Variants in P4HA3 observed in about 807,000 individuals in gnomAD.
P4HA3 encodes prolyl 4-hydroxylase subunit alpha 3, also known as prolyl 4-hydroxylase subunit alpha-3.
P4HA3 carries 60 observed loss-of-function variants against 66.7 expected under a neutral mutation model. The ratio of observed to expected loss-of-function variants is 0.90; its 90% confidence interval spans 0.73 to 1.12. The LOEUF is 1.12. P4HA3 is among the 50% of genes most tolerant of loss of function. The pLI, the probability that P4HA3 is intolerant of heterozygous loss-of-function variation, is 0.00. For synonymous variants in P4HA3, 263 were observed against 274.6 expected (o/e 0.96, Z 0.42); for missense variants, 683 against 685.8 (o/e 1.00, Z 0.05).
intron 15 of P4HA3, among the ~76,000 whole-genome samples, chr11:74,257,527 T>C (rs1859848842): frequency 6.6e-6 from 1 of 152,110 alleles, no homozygotes; most frequent in Non-Finnish European, 1.5e-5. Context: ...CGCTGGAGAC[T>C]TGAAAGTCAG....
intron 4 of P4HA3, among the ~76,000 whole-genome samples, chr11:74,289,502 T>A (rs543567998): frequency 2.0e-5 from 3 of 152,066 alleles, no homozygotes; most frequent in Non-Finnish European, 4.4e-5. Context: ...CGTGCAGGTT[T>A]GTTACATATG....
chr11:74,277,864 C>T (rs1223192449), intron 8 of P4HA3, among the ~76,000 whole-genome samples: 3 of 152,206 alleles, frequency 2.0e-5, no homozygotes, highest in Non-Finnish European at 2.9e-5. Flanking sequence ...GACGATAAGG[C>T]TCTGAGGGAA....
chr11:74,269,549 C>G, intron 11 of P4HA3, 103 bp downstream of exon 11: 4 of 1,231,300 alleles, frequency 3.2e-6, no homozygotes, highest in Non-Finnish European at 4.5e-6. Flanking sequence ...CTCTTTTTGG[C>G]CCTCCTCCCA....
intron 9 of P4HA3, 36 bp from the exon 10 acceptor site, chr11:74,273,643 C>A: frequency 6.7e-7 from 1 of 1,483,204 alleles, no homozygotes; most frequent in Admixed American, 2.4e-5. Context: ...TTATTTTATG[C>A]AGATGGCACC....
At chr11:74,309,618 A>G (rs956017562) in intron 1 of P4HA3, among the ~76,000 whole-genome samples, 4 of 152,224 alleles carry the variant, frequency 2.6e-5, no homozygotes, top group African/African-American at 7.2e-5. Flanking sequence ...TTGGACTCCA[A>G]TGACTCTGGG....
chr11:74,269,842 T>C, intron 10 of P4HA3, 122 bp from the exon 11 acceptor site: 1 of 1,029,964 alleles, frequency 9.7e-7, no homozygotes, highest in Non-Finnish European at 1.4e-6. Flanking sequence ...AGAGAAATAC[T>C]TGAAAGACAA....
chr11:74,264,104 G>A (rs756455642), downstream of P4HA3, among the ~76,000 whole-genome samples: 15 of 152,136 alleles, frequency 9.9e-5, no homozygotes, highest in Non-Finnish European at 1.6e-4. Flanking sequence ...ATAATAATTA[G>A]TGCAAATATA....
chr11:74,308,393 A>G (rs989708007), intron 1 of P4HA3, among the ~76,000 whole-genome samples: 1 of 152,086 alleles, frequency 6.6e-6, no homozygotes, highest in Non-Finnish European at 1.5e-5. Flanking sequence ...AAAAAACCCT[A>G]GCCAGGCATG....
At chr11:74,300,129 G>T (rs528529470) in intron 3 of P4HA3, among the ~76,000 whole-genome samples, 2 of 152,120 alleles carry the variant, frequency 1.3e-5, no homozygotes, top group South Asian at 4.1e-4. Flanking sequence ...GATCTAAGGC[G>T]AGTGAGAGCA....
chr11:74,304,362 G>C lies in P4HA3; in HGVS notation c.251C>G (p.Ala84Gly). 6.2e-7 allele frequency: 1 copy of C among 1,614,102 alleles called. No individual in the cohort carries two copies. The highest frequency in any genetic ancestry group is 8.5e-7 in the Non-Finnish European group (1 of 1,179,970). The change falls in exon 2 of 13, where the codon GCT (alanine) becomes GGT (glycine). Residue 84 changes from alanine (A) to glycine (G), a missense_variant. Physicochemically the swap from Ala to Gly is moderately conservative, Grantham distance 60 (BLOSUM62 0). Coordinates refer to ENST00000331597, the MANE Select transcript of P4HA3 (RefSeq NM_182904.5). ...GAGAGTAAATGCAAGCAGAGGGTTA[G>C]CCACAGGGGTTGTTGAATCCTCATG... ...SLHEDSTTPV[A>G]NPLLAFTLIK...
chr11:74,272,129 A>C (rs1860222680), intron 10 of P4HA3, among the ~76,000 whole-genome samples: 1 of 152,166 alleles, frequency 6.6e-6, no homozygotes, highest in African/African-American at 2.4e-5. Flanking sequence ...TCCAAAGTGT[A>C]TTCCATTCCA....
chr11:74,285,763 T>A (rs1432729813), intron 7 of P4HA3, 46 bp downstream of exon 7: 1 of 1,578,594 alleles, frequency 6.3e-7, no homozygotes, highest in Non-Finnish European at 8.7e-7. Flanking sequence ...ACTCCAGGCA[T>A]GTGAAGATGA....
At chr11:74,299,597 G>A (rs1861336522) in intron 3 of P4HA3, among the ~76,000 whole-genome samples, 1 of 150,866 alleles carries the variant, frequency 6.6e-6, no homozygotes, top group Non-Finnish European at 1.5e-5. Flanking sequence ...TGAAACAACT[G>A]GAATCCTTCC....
intron 12 of P4HA3, 139 bp downstream of exon 12, chr11:74,268,005 TA>T: frequency 1.3e-6 from 1 of 744,586 alleles, no homozygotes; most frequent in Non-Finnish European, 2.2e-6. Context: ...ACCTCATTCA[TA>T]ATCTGATCTT....
Position 74,268,182 on chromosome 11 carries a change from A to T in P4HA3, c.1527T>A (p.Leu509=). The change falls in exon 12 of 13, where the codon CTT becomes CTA. Residue 509 remains leucine (L), a synonymous_variant. Transcript: ENST00000331597. Reference sequence around the variant, plus strand: ...CCACCAGGACAGGACAGCCAGCATGAAGTGTGTCACTGTCCCCTTCACCAC... The same window carrying T: ...CCACCAGGACAGGACAGCCAGCATGTAGTGTGTCACTGTCCCCTTCACCAC... The part of the protein sequence containing the change: ...HRSGEGDSDT[L]HAGCPVLVGD... 6.2e-7 allele frequency: 1 copy of T among 1,614,090 alleles called. No homozygotes were observed. Among genetic ancestry groups the T allele is most frequent in the Non-Finnish European group, 8.5e-7 (1 of 1,179,966 alleles).
rs201674913 is a variant in P4HA3 at position 74,311,382 on chromosome 11, C to G, written c.200+30G>C. The G allele has an allele frequency of 6.1e-6, 9 of 1,473,046 alleles. No individual in the cohort carries two copies. In the East Asian group the frequency reaches 2.2e-4, roughly 36 times the overall value. The allele number at this position is 1,473,046 out of a possible 1,614,324, so 91.2% of individuals were successfully genotyped here. A position where few individuals can be genotyped will look rare whatever the true frequency, so the allele number is the denominator to read the frequency against. Reference sequence around the variant, plus strand: ...GGCACAGTGTATCCCACTGAGGCCCCTCGGTCGCTCCCACTCGTCGTGCCC... The same window carrying G: ...GGCACAGTGTATCCCACTGAGGCCCGTCGGTCGCTCCCACTCGTCGTGCCC... On this transcript the variant is annotated intron_variant, in intron 1 of 12. Coordinates refer to ENST00000331597, the MANE Select transcript of P4HA3 (RefSeq NM_182904.5).
chr11:74,259,042 C>A lies in P4HA3; in HGVS notation c.*1318+881G>T, dbSNP rs181171498. On this transcript the variant is annotated intron_variant and NMD_transcript_variant, in intron 15 of 15. Coordinates refer to the P4HA3 transcript ENST00000524388. ...GCTGCTCAGGCAGAATTAGTGGAAG[C>A]CGGTGTGCCCCTGGGGCCTGAGAGC... Among the ~76,000 whole-genome samples the A allele has an allele frequency of 3.1e-3, 470 of 152,264 alleles. 3 individuals are homozygous for A. In the Middle Eastern group the frequency reaches 0.034, roughly 11 times the overall value.
chr11:74,285,767 A>C, intron 7 of P4HA3, 42 bp downstream of exon 7: 1 of 1,587,364 alleles, frequency 6.3e-7, no homozygotes, highest in Non-Finnish European at 8.6e-7. Context: ...CAGGCATGTG[A>C]AGATGAAAGA....
At chr11:74,276,840 G>A in intron 9 of P4HA3, 145 bp downstream of exon 9, 1 of 942,348 alleles carries the variant, frequency 1.1e-6, no homozygotes, top group South Asian at 2.1e-5. Flanking sequence ...TTGAAACTAA[G>A]GCTTTCAGAT....
Sources: allele counts gnomAD v4.1 joint callset (sites outside exome capture counted in the v4.1 genomes callset), GRCh38; gene constraint gnomAD v4.1.1; transcripts MANE v1.5; gene names NCBI Gene and HGNC (gene_info 2026-07-23, HGNC 2026-07-21).